Variants in RARB observed in about 807,000 individuals in gnomAD.
The protein encoded by RARB is HBV-activated protein.
A neutral mutation model predicts 51.9 loss-of-function variants in RARB; 17 were observed. The observed-to-expected ratio is 0.33, with a 90% CI of 0.22 to 0.49. RARB has a LOEUF of 0.49. Among genes scored for constraint, RARB ranks in the 20% least tolerant of loss-of-function variants. The pLI is 0.99. For synonymous variants in RARB, 215 were observed against 195.4 expected, an observed-to-expected ratio of 1.10 and a Z score of -0.84; for missense variants, 369 against 550.8, an observed-to-expected ratio of 0.67 and a Z score of 3.30.
intron 5 of RARB, among the ~76,000 whole-genome samples, chr3:25,232,459 C>G (rs1702201123): frequency 6.6e-6 from 1 of 151,666 alleles, no homozygotes; most frequent in Admixed American, 6.6e-5. Flanking sequence ...TAGTATATCT[C>G]TATGTATTAT....
intron 5 of RARB, among the ~76,000 whole-genome samples, chr3:25,188,142 G>A (rs908324781): frequency 3.3e-5 from 5 of 151,992 alleles, no homozygotes; most frequent in African/African-American, 1.2e-4. Context: ...GTATCCATGT[G>A]GGTTTAGGAC....
chr3:25,065,014 G>A (rs1053626352), intron 3 of RARB, among the ~76,000 whole-genome samples: 4 of 152,136 alleles, frequency 2.6e-5, no homozygotes, highest in Admixed American at 6.5e-5. Flanking sequence ...GGCAATGGTG[G>A]CCATTGGCTC....
chr3:24,950,379 A>G (rs1406503528), intron 2 of RARB, among the ~76,000 whole-genome samples: 1 of 152,234 alleles, frequency 6.6e-6, no homozygotes, highest in East Asian at 1.9e-4. Context: ...CTAGAGATCC[A>G]TATGATGGGG....
At chr3:25,059,281 A>G (rs1698501395) in intron 2 of RARB, among the ~76,000 whole-genome samples, 1 of 151,566 alleles carries the variant, frequency 6.6e-6, no homozygotes, top group African/African-American at 2.4e-5. Context: ...ATGCCTATCT[A>G]TTTCCTTGCT....
chr3:25,235,540 T>C (rs1188348050), intron 5 of RARB, among the ~76,000 whole-genome samples: 1 of 152,220 alleles, frequency 6.6e-6, no homozygotes, highest in Non-Finnish European at 1.5e-5. Flanking sequence ...GAATTTCAAC[T>C]GCCTTTTTCC....
At chr3:24,953,671 G>A (rs991895632) in intron 2 of RARB, among the ~76,000 whole-genome samples, 1 of 152,174 alleles carries the variant, frequency 6.6e-6, no homozygotes, top group Non-Finnish European at 1.5e-5. Flanking sequence ...TGTCAGAAGA[G>A]GCCTTTGTGC....
At chr3:25,262,164 T>C (rs1292381517) in intron 5 of RARB, among the ~76,000 whole-genome samples, 1 of 152,162 alleles carries the variant, frequency 6.6e-6, no homozygotes, top group East Asian at 1.9e-4. Flanking sequence ...TCTCAAACTG[T>C]GTTCACTGGA....
intron 2 of RARB, among the ~76,000 whole-genome samples, chr3:25,022,206 A>G (rs1247579519): frequency 1.3e-5 from 2 of 152,182 alleles, no homozygotes; most frequent in East Asian, 1.9e-4. Context: ...CACAAACAGA[A>G]CGTGACCAGC....
At chr3:25,532,798 A>G (rs992605423) in intron 3 of RARB, among the ~76,000 whole-genome samples, 3 of 152,326 alleles carry the variant, frequency 2.0e-5, no homozygotes, top group Middle Eastern at 3.4e-3. Flanking sequence ...AGTGGCTCAG[A>G]CACCGAGCCA....
intron 3 of RARB, among the ~76,000 whole-genome samples, chr3:25,062,322 A>G (rs1313255659): frequency 6.6e-6 from 1 of 151,898 alleles, no homozygotes; most frequent in African/African-American, 2.4e-5. Context: ...AGCCTCAATA[A>G]TATCCAGCAA....
chr3:25,403,844 A>T (rs2125496154), intron 5 of RARB, among the ~76,000 whole-genome samples: 1 of 150,574 alleles, frequency 6.6e-6, no homozygotes, highest in Non-Finnish European at 1.5e-5. Flanking sequence ...ATTAGAAAAA[A>T]AAAAAAGATG....
chr3:25,028,811 C>T (rs1021073407), intron 2 of RARB, among the ~76,000 whole-genome samples: 1 of 152,124 alleles, frequency 6.6e-6, no homozygotes, highest in Non-Finnish European at 1.5e-5. Flanking sequence ...TGGAGAATAT[C>T]CTGTGGTTGT....
intron 1 of RARB, among the ~76,000 whole-genome samples, chr3:25,446,994 G>A (rs1358296437): frequency 6.9e-6 from 1 of 145,662 alleles, no homozygotes; most frequent in Non-Finnish European, 1.5e-5. Context: ...GTTTCCTCAG[G>A]TGAATAACAG....
intron 2 of RARB, among the ~76,000 whole-genome samples, chr3:25,467,655 C>G (rs1695496930): frequency 6.6e-6 from 1 of 152,224 alleles, no homozygotes; most frequent in Non-Finnish European, 1.5e-5. Flanking sequence ...TAAACTTCAC[C>G]TCCTAAGGGG....
At chr3:25,347,276 A>T (rs1291022796) in intron 5 of RARB, among the ~76,000 whole-genome samples, 2 of 152,188 alleles carry the variant, frequency 1.3e-5, no homozygotes, top group African/African-American at 4.8e-5. Context: ...GCAATGTGGA[A>T]TGCAAATTCA....
At chr3:25,459,678 A>C (rs1477336648) in intron 1 of RARB, among the ~76,000 whole-genome samples, 1 of 152,194 alleles carries the variant, frequency 6.6e-6, no homozygotes, top group African/African-American at 2.4e-5. Context: ...ATGGATTAAC[A>C]ATAAGTTTAG....
intron 2 of RARB, among the ~76,000 whole-genome samples, chr3:24,972,150 C>T (rs750493456): frequency 2.0e-4 from 30 of 151,938 alleles, no homozygotes; most frequent in Non-Finnish European, 3.2e-4. Flanking sequence ...TACCTTCCTC[C>T]CTACGCTTTC....
chr3:25,382,721 G>T (rs1706665390), intron 5 of RARB, among the ~76,000 whole-genome samples: 1 of 152,132 alleles, frequency 6.6e-6, no homozygotes, highest in South Asian at 2.1e-4. Flanking sequence ...AGCCGGGTGT[G>T]GCGGTGTGCA....
At chr3:25,539,519 A>ACT (rs1233626620) in intron 3 of RARB, among the ~76,000 whole-genome samples, 95 of 110,348 alleles carry the variant, frequency 8.6e-4, no homozygotes, top group Non-Finnish European at 1.2e-3. Flanking sequence ...ACCTGGCCAC[A>ACT]CTCTCTCTCT....
Sources: gnomAD v4.1 joint callset for allele counts (sites outside exome capture counted in the v4.1 genomes callset) on GRCh38, gnomAD v4.1.1 for gene constraint, MANE v1.5 for transcripts, NCBI Gene and HGNC (gene_info 2026-07-23, HGNC 2026-07-21) for gene names.